Variants in CTNNA2 observed in about 807,000 individuals in gnomAD.
CTNNA2 encodes catenin alpha 2, also known as catenin alpha-2.
Under a neutral mutation model 101.0 loss-of-function variants are expected in CTNNA2, and 42 were observed. The observed-to-expected ratio is 0.42, with a 90% CI of 0.32 to 0.54. The LOEUF (loss-of-function observed/expected upper bound fraction) is 0.54, where lower values mean the gene tolerates loss of function less well. Among genes scored for constraint, CTNNA2 ranks in the 20% least tolerant of loss-of-function variants. The pLI, the probability that CTNNA2 is intolerant of heterozygous loss-of-function variation, is 0.14. For synonymous variants in CTNNA2, 450 were observed against 456.4 expected, an observed-to-expected ratio of 0.99 and a Z score of 0.18; for missense variants, 871 against 1,223.1, an observed-to-expected ratio of 0.71 and a Z score of 4.29.
chr2:79,941,033 A>G (rs1172593532), intron 7 of CTNNA2, among the ~76,000 whole-genome samples: 1 of 152,178 alleles, frequency 6.6e-6, no homozygotes, highest in Non-Finnish European at 1.5e-5. Context: ...CAAGAAGCCT[A>G]CTGAGGGACT....
intron 7 of CTNNA2, among the ~76,000 whole-genome samples, chr2:80,228,389 A>G (rs1202568860): frequency 6.6e-6 from 1 of 152,122 alleles, no homozygotes; most frequent in Non-Finnish European, 1.5e-5. Flanking sequence ...CCTCTTTTAC[A>G]TGGGCACTAA....
At chr2:79,258,138 A>G (rs745549771) in intron 2 of CTNNA2, among the ~76,000 whole-genome samples, 3 of 152,190 alleles carry the variant, frequency 2.0e-5, no homozygotes, top group Non-Finnish European at 4.4e-5. Flanking sequence ...ATCCTGAGCT[A>G]CTGGGGTTAA....
chr2:80,027,194 C>G (rs1694981361), intron 7 of CTNNA2, among the ~76,000 whole-genome samples: 1 of 152,170 alleles, frequency 6.6e-6, no homozygotes, highest in Admixed American at 6.5e-5. Context: ...AGAACAGATC[C>G]ACCTTCAGGA....
chr2:79,238,004 C>A (rs147859161), intron 2 of CTNNA2, among the ~76,000 whole-genome samples: 1 of 152,170 alleles, frequency 6.6e-6, no homozygotes, highest in African/African-American at 2.4e-5. Context: ...ACTTTTCCTT[C>A]GCATTCACAA....
At chr2:79,219,186 A>T (rs1486495039) in intron 2 of CTNNA2, among the ~76,000 whole-genome samples, 1 of 152,234 alleles carries the variant, frequency 6.6e-6, no homozygotes, top group Non-Finnish European at 1.5e-5. Flanking sequence ...ATATTTCATT[A>T]TATCATTTAT....
At chr2:79,376,260 G>C (rs1307411580) in intron 4 of CTNNA2, among the ~76,000 whole-genome samples, 1 of 152,106 alleles carries the variant, frequency 6.6e-6, no homozygotes, top group African/African-American at 2.4e-5. Flanking sequence ...AAGAGAGAGT[G>C]CTTGCAGAAA....
chr2:79,958,170 C>A (rs1412483539), intron 7 of CTNNA2, among the ~76,000 whole-genome samples: 1 of 152,052 alleles, frequency 6.6e-6, no homozygotes, highest in Non-Finnish European at 1.5e-5. Flanking sequence ...CTATTTTTTC[C>A]TTTTCGTTTG....
At chr2:80,397,878 T>A (rs1331721043) in intron 8 of CTNNA2, among the ~76,000 whole-genome samples, 2 of 152,108 alleles carry the variant, frequency 1.3e-5, no homozygotes, top group Non-Finnish European at 2.9e-5. Flanking sequence ...AGCATGTGGG[T>A]CAACCATATA....
chr2:80,098,112 C>T (rs992566031), intron 7 of CTNNA2, among the ~76,000 whole-genome samples: 7 of 151,992 alleles, frequency 4.6e-5, no homozygotes, highest in Non-Finnish European at 1.0e-4. Context: ...TTTTTCTGCT[C>T]TGTTTTTTCC....
chr2:80,462,631 CTTTT>C (rs753815778), intron 9 of CTNNA2, among the ~76,000 whole-genome samples: 37 of 94,766 alleles, frequency 3.9e-4, no homozygotes, highest in Non-Finnish European at 5.9e-4. Flanking sequence ...TTCTTTCTTT[CTTTT>C]TTTTTTTTTT....
intron 1 of CTNNA2, among the ~76,000 whole-genome samples, chr2:79,570,650 A>G (rs1463638139): frequency 6.6e-6 from 1 of 152,178 alleles, no homozygotes; most frequent in Non-Finnish European, 1.5e-5. Context: ...GGGGGTATTC[A>G]GAAAACTATA....
intron 3 of CTNNA2, among the ~76,000 whole-genome samples, chr2:79,792,103 A>G (rs1675317242): frequency 6.6e-6 from 1 of 152,180 alleles, no homozygotes; most frequent in Non-Finnish European, 1.5e-5. Flanking sequence ...AATCAGACCT[A>G]TTCTTTCTCA....
chr2:79,665,369 A>G (rs1454718777), intron 2 of CTNNA2, among the ~76,000 whole-genome samples: 1 of 152,200 alleles, frequency 6.6e-6, no homozygotes, highest in Non-Finnish European at 1.5e-5. Context: ...ATGCATGCAT[A>G]CTTGTATGTG....
At chr2:80,032,803 C>T (rs953510167) in intron 7 of CTNNA2, among the ~76,000 whole-genome samples, 14 of 152,106 alleles carry the variant, frequency 9.2e-5, no homozygotes, top group African/African-American at 3.1e-4. Flanking sequence ...AACATTCCAC[C>T]ATTCCTGTAA....
At chr2:80,586,705 C>T (rs1222341247) in intron 14 of CTNNA2, among the ~76,000 whole-genome samples, 1 of 152,162 alleles carries the variant, frequency 6.6e-6, no homozygotes, top group African/African-American at 2.4e-5. Flanking sequence ...GCTACTTTAT[C>T]TTTCAAGATA....
intron 9 of CTNNA2, among the ~76,000 whole-genome samples, chr2:80,429,588 G>A (rs1251498753): frequency 1.3e-5 from 2 of 152,182 alleles, no homozygotes; most frequent in Non-Finnish European, 2.9e-5. Context: ...TGATGTTGGC[G>A]TAATTGTATA....
intron 13 of CTNNA2, among the ~76,000 whole-genome samples, chr2:80,577,979 G>C (rs1400350504): frequency 6.6e-6 from 1 of 152,156 alleles, no homozygotes; most frequent in Non-Finnish European, 1.5e-5. Context: ...CACATGTCCA[G>C]GTGAAATGAC....
In CTNNA2 at chr2:80,510,634, T is replaced by A. The variant is rs181365809; in HGVS notation, c.1291-34348T>A. On this transcript the variant is annotated intron_variant, in intron 9 of 18. Transcript: ENST00000402739. Reference sequence around the variant, plus strand: ...ATATATGCTGAAAAAATTGGTCATATTCTCTGCAATTTATTGATGATCATT... The same window carrying A: ...ATATATGCTGAAAAAATTGGTCATAATCTCTGCAATTTATTGATGATCATT... 5.9e-5 allele frequency among the ~76,000 whole-genome samples: 9 copies of A among 152,360 alleles called. No homozygotes were observed. In the East Asian group the frequency reaches 1.4e-3, roughly 23 times the overall value.
At chr2:79,696,137 G>T (rs1435811262) in intron 2 of CTNNA2, among the ~76,000 whole-genome samples, 2 of 151,916 alleles carry the variant, frequency 1.3e-5, no homozygotes, top group East Asian at 1.9e-4. Context: ...CAATATAAAA[G>T]CCAAAAACCG....
Sources: allele counts gnomAD v4.1 joint callset (sites outside exome capture counted in the v4.1 genomes callset), GRCh38; gene constraint gnomAD v4.1.1; transcripts MANE v1.5; gene names NCBI Gene and HGNC (gene_info 2026-07-23, HGNC 2026-07-21).